PLXDC2: variants seen among roughly 807,000 people sequenced by gnomAD.
The protein encoded by PLXDC2 is plexin domain containing 2, also known as plexin domain-containing protein 2.
PLXDC2 carries 40 observed loss-of-function variants against 68.9 expected under a neutral mutation model. That is an observed-to-expected ratio of 0.58 (90% CI 0.45 to 0.76). The LOEUF (loss-of-function observed/expected upper bound fraction) is 0.76, where lower values mean the gene tolerates loss of function less well. Among genes scored for constraint, PLXDC2 ranks in the 30% least tolerant of loss-of-function variants. The pLI, the probability that PLXDC2 is intolerant of heterozygous loss-of-function variation, is 0.00. For synonymous variants in PLXDC2, 243 were observed against 234.2 expected, an observed-to-expected ratio of 1.04 and a Z score of -0.34; for missense variants, 644 against 661.9, an observed-to-expected ratio of 0.97 and a Z score of 0.30.
chr10:20,202,783 T>C (rs1249887425), intron 9 of PLXDC2, among the ~76,000 whole-genome samples: 3 of 152,160 alleles, frequency 2.0e-5, no homozygotes, highest in Non-Finnish European at 4.4e-5. Flanking sequence ...TTTTAAGAAA[T>C]TTTTAAAATT....
intron 1 of PLXDC2, among the ~76,000 whole-genome samples, chr10:19,929,264 C>T (rs569361927): frequency 2.6e-5 from 4 of 152,048 alleles, no homozygotes; most frequent in East Asian, 2.0e-4. Context: ...AACCCACTCT[C>T]TAGAGGGTAG....
chr10:19,973,651 G>C (rs1456891308), intron 1 of PLXDC2, among the ~76,000 whole-genome samples: 2 of 152,138 alleles, frequency 1.3e-5, no homozygotes, highest in African/African-American at 4.8e-5. Context: ...GCCAGTACAG[G>C]AAAAAGTTAT....
chr10:20,044,207 C>T lies in PLXDC2; in HGVS notation c.325-2662C>T, dbSNP rs189478518. Among the ~76,000 whole-genome samples the T allele has an allele frequency of 3.9e-3, 349 of 90,002 alleles. 20 individuals carry two copies. The highest frequency in any genetic ancestry group is 0.015 in the African/African-American group (318 of 20,634). The allele number at this position is 90,002 out of a possible 152,430, so 59.0% of individuals were successfully genotyped here. On this transcript the variant is annotated intron_variant, in intron 2 of 13. Coordinates refer to ENST00000377252, the MANE Select transcript of PLXDC2 (RefSeq NM_032812.9). ...TTTCTTTCTTTCTCTCTCTCTCTCTCTCTGTCTTTCTTTCTTTCTTTCTTT... is the reference window on the plus strand; with the variant it reads ...TTTCTTTCTTTCTCTCTCTCTCTCTTTCTGTCTTTCTTTCTTTCTTTCTTT...
At chr10:19,880,743 T>C (rs914862673) in intron 1 of PLXDC2, among the ~76,000 whole-genome samples, 1 of 152,228 alleles carries the variant, frequency 6.6e-6, no homozygotes, top group East Asian at 1.9e-4. Flanking sequence ...CATTTTCTTA[T>C]TCTTTTAGGG....
intron 6 of PLXDC2, among the ~76,000 whole-genome samples, chr10:20,151,354 T>C (rs1329351253): frequency 1.3e-5 from 2 of 152,168 alleles, no homozygotes; most frequent in Admixed American, 1.3e-4. Context: ...CCTACAGCTT[T>C]AATATCCTAA....
chr10:20,100,298 G>T (rs1833405486), intron 4 of PLXDC2, among the ~76,000 whole-genome samples: 2 of 152,296 alleles, frequency 1.3e-5, no homozygotes, highest in South Asian at 4.1e-4. Flanking sequence ...GTTACCAGAG[G>T]AGTTTGTAGT....
At chr10:20,123,634 G>T (rs976377167) in intron 4 of PLXDC2, among the ~76,000 whole-genome samples, 33 of 151,780 alleles carry the variant, frequency 2.2e-4, no homozygotes, top group South Asian at 8.3e-4. Context: ...AGGGTGGAAG[G>T]TTGCCCATAG....
At position 20,033,408 on chromosome 10, in the gene PLXDC2, C is replaced by G. The variant is rs1589597042; in HGVS notation, c.325-13461C>G. Among the ~76,000 whole-genome samples, 3 of 152,074 alleles carry G rather than the reference C, an allele frequency of 2.0e-5. No individual in the cohort carries two copies. The South Asian group carries it at 6.2e-4, about 31-fold the overall frequency. Reference sequence around the variant, plus strand: ...ACAGAAAGTAAGTGACCCATTTCTTCTTCATTTTGGCATTCCAAGTATTAT... The same window carrying G: ...ACAGAAAGTAAGTGACCCATTTCTTGTTCATTTTGGCATTCCAAGTATTAT... On this transcript the variant is annotated intron_variant, in intron 2 of 13. Coordinates refer to ENST00000377252, the MANE Select transcript of PLXDC2 (RefSeq NM_032812.9).
At chr10:20,231,763 C>T (rs1299188041) in intron 12 of PLXDC2, among the ~76,000 whole-genome samples, 1 of 151,912 alleles carries the variant, frequency 6.6e-6, no homozygotes, top group Non-Finnish European at 1.5e-5. Flanking sequence ...TGCCTGTAAT[C>T]CTAGCGCTTT....
At chr10:19,852,871 G>C (rs1413272876) in intron 1 of PLXDC2, among the ~76,000 whole-genome samples, 2 of 152,108 alleles carry the variant, frequency 1.3e-5, no homozygotes, top group African/African-American at 2.4e-5. Context: ...AATATTTTTT[G>C]ATCTCTTCAA....
At chr10:20,169,359 A>G (rs12266912) in intron 7 of PLXDC2, among the ~76,000 whole-genome samples, 3,969 of 152,242 alleles carry the variant, frequency 0.026, 183 homozygotes, top group African/African-American at 0.09. Flanking sequence ...ACGAAATGGT[A>G]TTTCATTGTT....
At chr10:19,983,335 AGAAAG>A (rs1164456841) in intron 1 of PLXDC2, among the ~76,000 whole-genome samples, 1 of 152,222 alleles carries the variant, frequency 6.6e-6, no homozygotes, top group Non-Finnish European at 1.5e-5. Flanking sequence ...AAAAAGAAAA[AGAAAG>A]GAAAGAAACA....
At chr10:20,097,490 T>C (rs1358977498) in intron 4 of PLXDC2, among the ~76,000 whole-genome samples, 1 of 152,246 alleles carries the variant, frequency 6.6e-6, no homozygotes, top group Non-Finnish European at 1.5e-5. Flanking sequence ...CTTTTTCCCA[T>C]TTCCTGAATG....
At chr10:20,160,006 C>T (rs1834269686) in intron 6 of PLXDC2, among the ~76,000 whole-genome samples, 1 of 152,250 alleles carries the variant, frequency 6.6e-6, no homozygotes, top group East Asian at 1.9e-4. Flanking sequence ...TTTATGTTCA[C>T]TTGTTTTAAT....
intron 1 of PLXDC2, among the ~76,000 whole-genome samples, chr10:19,908,203 T>C (rs1415738225): frequency 6.6e-6 from 1 of 151,432 alleles, no homozygotes; most frequent in African/African-American, 2.5e-5. Context: ...ACATAATTTA[T>C]TTTAAGTTTA....
intron 12 of PLXDC2, among the ~76,000 whole-genome samples, chr10:20,220,162 A>G (rs1430120363): frequency 1.3e-5 from 2 of 152,158 alleles, no homozygotes; most frequent in Admixed American, 6.5e-5. Flanking sequence ...CTTATTCATC[A>G]TTGTATTAAT....
intron 10 of PLXDC2, among the ~76,000 whole-genome samples, chr10:20,215,439 A>G (rs1026202927): frequency 2.6e-5 from 4 of 151,952 alleles, no homozygotes; most frequent in Non-Finnish European, 5.9e-5. Flanking sequence ...AAAGCAGTAT[A>G]ATGTCAGGAT....
At chr10:20,048,306 G>A (rs1835833203) in intron 3 of PLXDC2, among the ~76,000 whole-genome samples, 1 of 151,586 alleles carries the variant, frequency 6.6e-6, no homozygotes, top group Middle Eastern at 3.2e-3. Context: ...TCGGTGTAGA[G>A]CACATGCTTT....
chr10:20,019,036 T>C (rs1418339036), intron 2 of PLXDC2, among the ~76,000 whole-genome samples: 1 of 152,204 alleles, frequency 6.6e-6, no homozygotes, highest in African/African-American at 2.4e-5. Context: ...TCCCAGCACT[T>C]TGGGAGGCCA....
Sources: gnomAD v4.1 joint callset for allele counts (sites outside exome capture counted in the v4.1 genomes callset) on GRCh38, gnomAD v4.1.1 for gene constraint, MANE v1.5 for transcripts, NCBI Gene and HGNC (gene_info 2026-07-23, HGNC 2026-07-21) for gene names.